The following MREG variants were observed in gnomAD, a reference collection of about 807,000 sequenced individuals.
The protein encoded by MREG is melanoregulin, also known as dilute suppressor protein homolog.
A neutral mutation model predicts 28.5 loss-of-function variants in MREG; 31 were observed. The ratio of observed to expected loss-of-function variants is 1.09; its 90% CI spans 0.82 to 1.47. The LOEUF (loss-of-function observed/expected upper bound fraction) is 1.47. Ranked by LOEUF, MREG falls within the 40% of genes most tolerant of loss-of-function variation. The pLI is 0.00. For missense variants in MREG, 256 were observed against 257.4 expected, an observed-to-expected ratio of 0.99 and a Z score of 0.04; for synonymous variants, 106 against 95.2, an observed-to-expected ratio of 1.11 and a Z score of -0.66.
intron 2 of MREG, among the ~76,000 whole-genome samples, chr2:215,959,576 T>G (rs913403067): frequency 6.6e-6 from 1 of 152,236 alleles, no homozygotes; most frequent in African/African-American, 2.4e-5. Flanking sequence ...AAAGATGAGA[T>G]TGGGTCACTT....
chr2:216,031,503 G>A (rs1694697732), intron 1 of MREG, among the ~76,000 whole-genome samples: 1 of 126,850 alleles, frequency 7.9e-6, no homozygotes, highest in Admixed American at 8.9e-5. Flanking sequence ...GAGAAAGAAA[G>A]AGAGAAAGGA....
At chr2:215,968,568 T>G (rs1693007055) in intron 2 of MREG, among the ~76,000 whole-genome samples, 1 of 152,068 alleles carries the variant, frequency 6.6e-6, no homozygotes, top group African/African-American at 2.4e-5. Context: ...AGCACTCCCC[T>G]CCTCTACCTC....
chr2:215,967,172 G>A (rs1037084027), intron 2 of MREG, among the ~76,000 whole-genome samples: 2 of 152,184 alleles, frequency 1.3e-5, no homozygotes, highest in Non-Finnish European at 2.9e-5. Flanking sequence ...AGCCAGTCAC[G>A]AAGCTGCCTT....
chr2:215,985,925 T>C (rs182263168), intron 2 of MREG, among the ~76,000 whole-genome samples: 1 of 152,220 alleles, frequency 6.6e-6, no homozygotes, highest in Admixed American at 6.5e-5. Flanking sequence ...ACTTTTTTTT[T>C]AATTAAAATC....
chr2:215,946,466 T>C (rs941917945), intron 3 of MREG, among the ~76,000 whole-genome samples: 1 of 152,200 alleles, frequency 6.6e-6, no homozygotes, highest in African/African-American at 2.4e-5. Flanking sequence ...GATTATATAA[T>C]GTGGGGGCCA....
upstream of MREG, among the ~76,000 whole-genome samples, chr2:216,015,949 C>T (rs573966496): frequency 2.0e-5 from 3 of 152,180 alleles, no homozygotes; most frequent in South Asian, 6.2e-4. Context: ...TCCTCATGGG[C>T]GGTGTATTAT....
At chr2:216,009,170 G>A (rs1694233631) in intron 1 of MREG, among the ~76,000 whole-genome samples, 1 of 152,132 alleles carries the variant, frequency 6.6e-6, no homozygotes, top group African/African-American at 2.4e-5. Flanking sequence ...ATGTGTTTCT[G>A]CCTAAAGACA....
At chr2:215,982,834 T>G (rs1158617554) in intron 2 of MREG, among the ~76,000 whole-genome samples, 2 of 152,160 alleles carry the variant, frequency 1.3e-5, no homozygotes, top group Non-Finnish European at 2.9e-5. Flanking sequence ...ATCATCTGAG[T>G]CAAAATGCCT....
intron 2 of MREG, among the ~76,000 whole-genome samples, chr2:215,977,145 C>G (rs1489864951): frequency 6.6e-6 from 1 of 152,180 alleles, no homozygotes; most frequent in East Asian, 1.9e-4. Context: ...ATCTCACTTG[C>G]AGAGACACAC....
intron 2 of MREG, among the ~76,000 whole-genome samples, chr2:215,983,602 A>G (rs1280627400): frequency 1.3e-5 from 2 of 152,220 alleles, no homozygotes; most frequent in Non-Finnish European, 2.9e-5. Context: ...AGGATCATTT[A>G]TGTGTCTGCC....
chr2:216,013,320 A>T lies in MREG; in HGVS notation c.8T>A (p.Leu3Gln). Residue 3 changes from leucine (L) to glutamine (Q), a missense_variant, in exon 1 of 5, where the codon CTG (leucine) becomes CAG (glutamine). Coordinates refer to ENST00000263268, the MANE Select transcript of MREG (RefSeq NM_018000.3). ...GCACACGGTTCTCAGCCAGTCCCTC[A>T]GCCCCATGGAGAGCGAGGGCCCCCA... Reference protein sequence around the residue: MGLRDWLRTVCCC... With the variant: MGQRDWLRTVCCC... The T allele has an allele frequency of 6.5e-7, 1 of 1,532,460 alleles. No individual in the cohort carries two copies. The highest frequency in any genetic ancestry group is 8.8e-7 in the Non-Finnish European group (1 of 1,139,722). The allele number at this position is 1,532,460 out of a possible 1,614,324, so 94.9% of individuals were successfully genotyped here.
At chr2:215,998,986 G>A (rs574626922) in intron 1 of MREG, among the ~76,000 whole-genome samples, 4 of 152,184 alleles carry the variant, frequency 2.6e-5, no homozygotes, top group Admixed American at 2.6e-4. Flanking sequence ...TGAGAAGGAA[G>A]TTCAAGAACT....
At chr2:216,029,285 G>A (rs917552888) in intron 1 of MREG, among the ~76,000 whole-genome samples, 2 of 152,056 alleles carry the variant, frequency 1.3e-5, no homozygotes, top group African/African-American at 2.4e-5. Flanking sequence ...TGAGACCATC[G>A]TCGCCAACAT....
intron 1 of MREG, among the ~76,000 whole-genome samples, chr2:216,031,109 TAGAA>T (rs1366229776): frequency 6.6e-6 from 1 of 151,978 alleles, no homozygotes; most frequent in African/African-American, 2.4e-5. Flanking sequence ...AACAACGCGT[TAGAA>T]AGAGTTGCAT....
At chr2:216,012,054 G>A (rs1694325832) in intron 1 of MREG, among the ~76,000 whole-genome samples, 1 of 152,188 alleles carries the variant, frequency 6.6e-6, no homozygotes, top group African/African-American at 2.4e-5. Context: ...TTATATACAT[G>A]TGTGCTTACC....
At chr2:215,982,405 AT>A (rs564651463) in intron 2 of MREG, among the ~76,000 whole-genome samples, 1 of 152,120 alleles carries the variant, frequency 6.6e-6, no homozygotes, top group African/African-American at 2.4e-5. Context: ...ATGCTTATAT[AT>A]TTTTTAAAAA....
chr2:216,021,479 T>G (rs1467542127), intron 1 of MREG, among the ~76,000 whole-genome samples: 1 of 151,982 alleles, frequency 6.6e-6, no homozygotes, highest in Non-Finnish European at 1.5e-5. Context: ...GAGCTTAGAG[T>G]GCAACATATA....
chr2:215,970,024 A>G (rs1414910781), intron 2 of MREG, among the ~76,000 whole-genome samples: 1 of 152,182 alleles, frequency 6.6e-6, no homozygotes, highest in Non-Finnish European at 1.5e-5. Context: ...TTGCATGCCT[A>G]TCATTATGGG....
At chr2:216,025,699 C>A (rs1281445504) in intron 1 of MREG, among the ~76,000 whole-genome samples, 1 of 152,198 alleles carries the variant, frequency 6.6e-6, no homozygotes, top group Non-Finnish European at 1.5e-5. Flanking sequence ...GAGGCTGTCC[C>A]AGAAATGGGC....
Sources: gnomAD v4.1 joint callset for allele counts (sites outside exome capture counted in the v4.1 genomes callset) on GRCh38, gnomAD v4.1.1 for gene constraint, MANE v1.5 for transcripts, NCBI Gene and HGNC (gene_info 2026-07-23, HGNC 2026-07-21) for gene names.